Variants in KLHL3 observed in about 807,000 individuals in gnomAD.
KLHL3 encodes kelch-like protein 3.
KLHL3 carries 19 observed loss-of-function variants against 70.5 expected under a neutral mutation model. That is an observed-to-expected ratio of 0.27 (90% confidence interval 0.19 to 0.40). The LOEUF is 0.40. Among genes scored for constraint, KLHL3 ranks in the 10% least tolerant of loss-of-function variants. The pLI is 1.00. For missense variants in KLHL3, 512 were observed against 771.1 expected (o/e 0.66, Z 3.98); for synonymous variants, 258 against 290.3 (o/e 0.89, Z 1.13).
Position 137,735,817 on chromosome 5 carries a change from C to T in KLHL3, c.-171G>A. ...TCTCAATCCTCCTTCCTCTGACTTA[C>T]TCGCAGCAGCTTCTACCGCAAAAGC... is the stretch of plus-strand genomic sequence containing the variant. On this transcript the variant is annotated 5_prime_UTR_variant, in exon 1 of 15. Transcript: ENST00000309755. The T allele has an allele frequency of 1.2e-6, 1 of 822,378 alleles. No individual in the cohort carries two copies. Among genetic ancestry groups the T allele is most frequent in the Non-Finnish European group, 2.0e-6 (1 of 489,232 alleles). 50.9% of individuals were successfully genotyped at this position (822,378 alleles called of 1,614,324 possible). A position where few individuals can be genotyped will look rare whatever the true frequency, so the allele number is the denominator to read the frequency against.
At chr5:137,642,122 C>T (rs1159007387) in intron 8 of KLHL3, among the ~76,000 whole-genome samples, 1 of 152,206 alleles carries the variant, frequency 6.6e-6, no homozygotes, top group Non-Finnish European at 1.5e-5. Flanking sequence ...TAAATATGCC[C>T]AGAACTTGCA....
intron 6 of KLHL3, among the ~76,000 whole-genome samples, chr5:137,662,286 A>ACACAC (rs1751502259): frequency 4.6e-5 from 6 of 130,758 alleles, no homozygotes; most frequent in African/African-American, 1.7e-4. Context: ...CACACACACA[A>ACACAC]GGACAAACCT....
chr5:137,635,710 C>G (rs148926652), intron 11 of KLHL3, among the ~76,000 whole-genome samples: 1 of 152,158 alleles, frequency 6.6e-6, no homozygotes, highest in Admixed American at 6.5e-5. Flanking sequence ...AACTCTGCTG[C>G]CCCAGGGTGC....
At chr5:137,663,487 TATACTTTAA>T (rs1414686647) in intron 6 of KLHL3, among the ~76,000 whole-genome samples, 1 of 151,646 alleles carries the variant, frequency 6.6e-6, no homozygotes, top group African/African-American at 2.4e-5. Context: ...CATCCTCCCA[TATACTTTAA>T]ATACTTTAAA....
At chr5:137,727,504 C>T (rs959428431) in intron 1 of KLHL3, among the ~76,000 whole-genome samples, 1 of 152,160 alleles carries the variant, frequency 6.6e-6, no homozygotes, top group Admixed American at 6.5e-5. Flanking sequence ...GGCCCTTAAT[C>T]CCATCGTTGC....
At chr5:137,670,391 G>C (rs1485921140) in intron 6 of KLHL3, among the ~76,000 whole-genome samples, 1 of 151,560 alleles carries the variant, frequency 6.6e-6, no homozygotes, top group Non-Finnish European at 1.5e-5. Context: ...GCAAAAAATA[G>C]TAGAATATCT....
intron 11 of KLHL3, among the ~76,000 whole-genome samples, chr5:137,635,520 T>G (rs940997727): frequency 1.3e-5 from 2 of 152,214 alleles, no homozygotes; most frequent in Non-Finnish European, 2.9e-5. Flanking sequence ...TAGCAAATTA[T>G]TGTGATTTCC....
At chr5:137,693,225 C>T (rs915520192) in intron 4 of KLHL3, among the ~76,000 whole-genome samples, 20 of 152,126 alleles carry the variant, frequency 1.3e-4, no homozygotes, top group African/African-American at 4.6e-4. Context: ...ACTCAGGCAA[C>T]GACACTTTAT....
chr5:137,676,294 A>T (rs1580752258), intron 6 of KLHL3, among the ~76,000 whole-genome samples: 2 of 152,232 alleles, frequency 1.3e-5, no homozygotes, highest in African/African-American at 4.8e-5. Flanking sequence ...ATACAATTTC[A>T]TCTCAGATAT....
rs1554089726 is a variant in KLHL3 at position 137,627,488 on chromosome 5, C to CGG, written c.1591+807_1591+808dup. 2.2e-4 allele frequency among the ~76,000 whole-genome samples: 20 copies of CGG among 92,352 alleles called. 2 individuals are homozygous for CGG. The highest frequency in any genetic ancestry group is 3.4e-4 in the Non-Finnish European group (15 of 44,492). 60.6% of individuals were successfully genotyped at this position (92,352 alleles called of 152,430 possible). A position where few individuals can be genotyped will look rare whatever the true frequency, so the allele number is the denominator to read the frequency against. ...TAGTAAATATCACCACCCCCCCCCCCGGTTTACACTTCCAAGTCAGCCACG... is the reference window on the plus strand; with the variant it reads ...TAGTAAATATCACCACCCCCCCCCCCGGGGTTTACACTTCCAAGTCAGCCACG... On this transcript the variant is annotated intron_variant, in intron 13 of 14. Transcript: ENST00000309755.
intron 8 of KLHL3, among the ~76,000 whole-genome samples, chr5:137,645,065 C>T (rs963491723): frequency 2.0e-5 from 3 of 152,190 alleles, no homozygotes; most frequent in Non-Finnish European, 2.9e-5. Context: ...ACAAAAACCA[C>T]ATAATCATTT....
Position 137,698,379 on chromosome 5 carries a change from T to C in KLHL3, c.271A>G (p.Ile91Val). ...TGCCCATCCACGTCCTTGATTTCTA[T>C]CTTTTTGGCTTTACTCTCAGACATG... is the stretch of plus-strand genomic sequence containing the variant. ...GDMSESKAKK[I>V]EIKDVDGQTL... Residue 91 changes from isoleucine (I) to valine (V), a missense_variant, in exon 4 of 15, where the codon ATA (isoleucine) becomes GTA (valine). Coordinates refer to ENST00000309755, the MANE Select transcript of KLHL3 (RefSeq NM_017415.3). 1 of 1,614,214 alleles carries C rather than the reference T, an allele frequency of 6.2e-7. No individual in the cohort carries two copies. Among genetic ancestry groups the C allele is most frequent in the Non-Finnish European group, 8.5e-7 (1 of 1,180,030 alleles).
intron 5 of KLHL3, among the ~76,000 whole-genome samples, chr5:137,685,623 A>G (rs1752143400): frequency 6.6e-6 from 1 of 152,264 alleles, no homozygotes; most frequent in African/African-American, 2.4e-5. Flanking sequence ...AATGTTTCAA[A>G]CAATGGTCTA....
At chr5:137,692,476 T>C (rs565063053) in intron 4 of KLHL3, 29 bp from the exon 5 acceptor site, 12 of 1,611,842 alleles carry the variant, frequency 7.4e-6, no homozygotes, top group East Asian at 2.2e-5. Context: ...TTCTCAGATA[T>C]TGGATCCCAC....
At chr5:137,684,759 G>C (rs1052574501) in intron 5 of KLHL3, among the ~76,000 whole-genome samples, 5 of 152,340 alleles carry the variant, frequency 3.3e-5, no homozygotes, top group Admixed American at 3.3e-4. Flanking sequence ...ATAAGAAACA[G>C]GCTGTGAAAG....
intron 11 of KLHL3, among the ~76,000 whole-genome samples, chr5:137,634,635 C>T (rs1580721027): frequency 6.6e-6 from 1 of 152,320 alleles, no homozygotes; most frequent in East Asian, 1.9e-4. Context: ...GAACCCAAAA[C>T]CTGTCTTAGC....
chr5:137,693,467 C>T (rs1752372169), intron 4 of KLHL3, among the ~76,000 whole-genome samples: 1 of 152,108 alleles, frequency 6.6e-6, no homozygotes, highest in African/African-American at 2.4e-5. Context: ...TATCAATTTT[C>T]CCTAGGACTT....
At chr5:137,731,115 C>T (rs898466608) in intron 1 of KLHL3, among the ~76,000 whole-genome samples, 5 of 152,090 alleles carry the variant, frequency 3.3e-5, no homozygotes, top group African/African-American at 1.2e-4. Flanking sequence ...ATTATCTTGT[C>T]CAGATCTGTT....
intron 13 of KLHL3, among the ~76,000 whole-genome samples, chr5:137,627,828 T>C (rs1367256793): frequency 6.6e-6 from 1 of 152,136 alleles, no homozygotes; most frequent in African/African-American, 2.4e-5. Context: ...GGAGAACTCA[T>C]CAAGGGTCCA....
Sources: allele counts gnomAD v4.1 joint callset (sites outside exome capture counted in the v4.1 genomes callset), GRCh38; gene constraint gnomAD v4.1.1; transcripts MANE v1.5; gene names NCBI Gene and HGNC (gene_info 2026-07-23, HGNC 2026-07-21).